VPS35L: variants seen among roughly 807,000 people sequenced by gnomAD.
VPS35L encodes the protein VPS35 endosomal protein-sorting factor-like.
A neutral mutation model predicts 133.0 loss-of-function variants in VPS35L; 83 were observed. That is an observed-to-expected ratio of 0.62 (90% CI 0.52 to 0.75). The LOEUF (loss-of-function observed/expected upper bound fraction) is 0.75, where lower values mean the gene tolerates loss of function less well. Among genes scored for constraint, VPS35L ranks in the 30% least tolerant of loss-of-function variants. The pLI, the probability that VPS35L is intolerant of heterozygous loss-of-function variation, is 0.00. For missense variants in VPS35L, 1,083 were observed against 1,206.8 expected, an observed-to-expected ratio of 0.90 and a Z score of 1.52; for synonymous variants, 423 against 449.9, an observed-to-expected ratio of 0.94 and a Z score of 0.76.
intron 11 of VPS35L, among the ~76,000 whole-genome samples, chr16:19,609,395 G>C (rs1972636819): frequency 6.6e-6 from 1 of 152,098 alleles, no homozygotes; most frequent in Non-Finnish European, 1.5e-5. Context: ...GGTCTGAGGG[G>C]GTCCTTTGGG....
chr16:19,567,291 C>T (rs911772856), intron 2 of VPS35L, among the ~76,000 whole-genome samples: 14 of 152,182 alleles, frequency 9.2e-5, no homozygotes, highest in Admixed American at 7.9e-4. Flanking sequence ...ACATCAGCAG[C>T]AGGAAAATGC....
At chr16:19,613,723 G>T (rs1163846362) in intron 12 of VPS35L, among the ~76,000 whole-genome samples, 1 of 152,122 alleles carries the variant, frequency 6.6e-6, no homozygotes, top group African/African-American at 2.4e-5. Flanking sequence ...TTGGGGTCTG[G>T]GGTTGGTGTC....
intron 21 of VPS35L, among the ~76,000 whole-genome samples, 190 bp downstream of exon 21, chr16:19,640,290 A>T (rs2151577274): frequency 6.6e-6 from 1 of 152,318 alleles, no homozygotes; most frequent in Admixed American, 6.5e-5. Context: ...TTAAGAAGAC[A>T]GAGTAGCAAG....
chr16:19,596,490 G>A (rs2151533557), intron 8 of VPS35L, among the ~76,000 whole-genome samples: 1 of 151,444 alleles, frequency 6.6e-6, no homozygotes, highest in East Asian at 1.9e-4. Context: ...GCCCAAGCTG[G>A]TCTCAAACTC....
At chr16:19,589,191 C>T (rs1054639387) in intron 7 of VPS35L, among the ~76,000 whole-genome samples, 3 of 152,124 alleles carry the variant, frequency 2.0e-5, no homozygotes, top group African/African-American at 7.2e-5. Flanking sequence ...CTACTTCTTT[C>T]CTTCCTACTC....
At chr16:19,573,652 C>T (rs141408419) in intron 4 of VPS35L, among the ~76,000 whole-genome samples, 3,055 of 152,072 alleles carry the variant, frequency 0.02, 110 homozygotes, top group African/African-American at 0.07. Context: ...AACCCCATCT[C>T]TACTAAAAAA....
At chr16:19,696,663 A>G (rs1021361297) in intron 29 of VPS35L, among the ~76,000 whole-genome samples, 2 of 151,474 alleles carry the variant, frequency 1.3e-5, no homozygotes, top group Admixed American at 6.6e-5. Flanking sequence ...GTGTTTGAAT[A>G]TATCAGCTGG....
intron 23 of VPS35L, among the ~76,000 whole-genome samples, chr16:19,645,167 G>A (rs188754378): frequency 6.6e-6 from 1 of 152,080 alleles, no homozygotes; most frequent in African/African-American, 2.4e-5. Context: ...GGGCGGGAGG[G>A]TGATGGGAGG....
At position 19,691,363 on chromosome 16, in the gene VPS35L, C is replaced by T. The variant is rs1040979714; in HGVS notation, c.2538C>T (p.Asn846=). The T allele has an allele frequency of 3.7e-6, 6 of 1,613,292 alleles. No homozygotes were observed. In the African/African-American group the frequency reaches 4.0e-5, roughly 11 times the overall value. ...YLYHIDKVDS[N]DSLYGGDSKF... ...TTGTTTGTTCAACAGTGGACTCCAA[C>T]GACAGCCTCTACGGGGGAGACTCCA... The change falls in exon 29 of 31, where the codon AAC becomes AAT. Residue 846 remains asparagine, a synonymous_variant. Transcript: ENST00000417362.
At chr16:19,564,251 G>T (rs1215281400) in intron 1 of VPS35L, among the ~76,000 whole-genome samples, 11 of 151,478 alleles carry the variant, frequency 7.3e-5, no homozygotes, top group Admixed American at 4.6e-4. Context: ...CTAATTTTTT[G>T]TATTTTTAAT....
chr16:19,698,772 C>A (rs1345828397), intron 29 of VPS35L, among the ~76,000 whole-genome samples: 1 of 152,154 alleles, frequency 6.6e-6, no homozygotes, highest in Non-Finnish European at 1.5e-5. Flanking sequence ...CAGGTACCCA[C>A]CTGTTGATGT....
chr16:19,681,224 C>T (rs993530587), intron 27 of VPS35L, among the ~76,000 whole-genome samples: 3 of 139,178 alleles, frequency 2.2e-5, no homozygotes, highest in African/African-American at 8.4e-5. Context: ...ATTTGTTCAG[C>T]CAGTAGGAGG....
intron 29 of VPS35L, among the ~76,000 whole-genome samples, chr16:19,693,228 C>T (rs1017991868): frequency 6.6e-6 from 1 of 152,020 alleles, no homozygotes; most frequent in Non-Finnish European, 1.5e-5. Context: ...TCAGACGAGG[C>T]AACTCTCCTA....
chr16:19,652,191 T>C, intron 26 of VPS35L, 101 bp downstream of exon 26: 1 of 880,686 alleles, frequency 1.1e-6, no homozygotes. Context: ...GATTTCTTTT[T>C]TTAGAGACAG....
chr16:19,652,232 A>C, intron 26 of VPS35L, 142 bp downstream of exon 26: 2 of 653,132 alleles, frequency 3.1e-6, no homozygotes, highest in East Asian at 5.7e-5. Context: ...GCTGGAATGT[A>C]GTAGTGCAAT....
intron 26 of VPS35L, among the ~76,000 whole-genome samples, chr16:19,654,386 T>TA (rs751650701): frequency 7.2e-5 from 11 of 151,776 alleles, no homozygotes; most frequent in Non-Finnish European, 1.6e-4. Flanking sequence ...GCACGTGTCT[T>TA]CATTGTGTGT....
In VPS35L at chr16:19,616,538, T is replaced by A. The variant is rs1217654566; in HGVS notation, c.1102-148T>A. On this transcript the variant is annotated intron_variant, in intron 13 of 30. Transcript: ENST00000417362. ...AAACTTTCTGTGTTTTTTTTTGGTT[T>A]AAAAAAAAAAAACAACCGAGAAACC... 1.9e-4 allele frequency: 167 copies of A among 884,272 alleles called. 1 individual carries two copies. The highest frequency in any genetic ancestry group is 2.3e-4 in the Non-Finnish European group (145 of 639,104). The allele number at this position is 884,272 out of a possible 1,614,324, so 54.8% of individuals were successfully genotyped here. A position where few individuals can be genotyped will look rare whatever the true frequency, so the allele number is the denominator to read the frequency against.
chr16:19,699,512 G>A lies in VPS35L; in HGVS notation c.2657G>A (p.Arg886His), dbSNP rs866568029. ...CCTTTTCTGTTTCAGGCCCTGAAGCGCCAGAGCTCGTTGGGCCTTTCCTTC... is the reference window on the plus strand; with the variant it reads ...CCTTTTCTGTTTCAGGCCCTGAAGCACCAGAGCTCGTTGGGCCTTTCCTTC... Reference protein sequence around the residue: ...KTLAKDEALKRQSSLGLSFFN... With the variant: ...KTLAKDEALKHQSSLGLSFFN... The change falls in exon 30 of 31, where the codon CGC becomes CAC. Residue 886 changes from arginine to histidine, a missense_variant. Transcript: ENST00000417362. This position sits in a 1 kb window ranked among gnomAD's most constrained non-coding sequence, Gnocchi z 4.2. 6.2e-6 allele frequency: 10 copies of A among 1,613,956 alleles called. No individual in the cohort carries two copies. The highest frequency in any genetic ancestry group is 1.7e-5 in the Admixed American group (1 of 59,998).
chr16:19,610,290 A>T (rs1204140349), intron 11 of VPS35L, 32 bp from the exon 12 acceptor site: 1 of 1,575,960 alleles, frequency 6.3e-7, no homozygotes, highest in African/African-American at 1.3e-5. Context: ...CTCACGTCGA[A>T]TATAATGCTG....
Sources: allele counts gnomAD v4.1 joint callset (sites outside exome capture counted in the v4.1 genomes callset), GRCh38; gene constraint gnomAD v4.1.1; non-coding constraint Gnocchi (gnomAD v3.1); transcripts MANE v1.5; gene names NCBI Gene and HGNC (gene_info 2026-07-23, HGNC 2026-07-21).